Variants in PCLO observed in about 807,000 individuals in gnomAD.
PCLO encodes piccolo presynaptic cytomatrix protein, also known as protein piccolo.
PCLO carries 82 observed loss-of-function variants against 427.5 expected under a neutral mutation model. The ratio of observed to expected loss-of-function variants is 0.19; its 90% CI spans 0.16 to 0.23. PCLO has a LOEUF of 0.23. Ranked by LOEUF, PCLO falls within the 10% of genes least tolerant of loss-of-function variation. The pLI is 1.00. For missense variants in PCLO, 6,239 were observed against 6,115.9 expected (o/e 1.02, Z -0.67); for synonymous variants, 2,357 against 2,155.4 (o/e 1.09, Z -2.59).
chr7:82,966,786 G>A (rs1026365207), intron 3 of PCLO, among the ~76,000 whole-genome samples: 3 of 151,808 alleles, frequency 2.0e-5, no homozygotes, highest in African/African-American at 7.3e-5. Flanking sequence ...TCATTTTCAG[G>A]AAGAAAAAAA....
At chr7:83,038,723 A>G (rs1300062063) in intron 3 of PCLO, among the ~76,000 whole-genome samples, 1 of 151,928 alleles carries the variant, frequency 6.6e-6, no homozygotes, top group African/African-American at 2.4e-5. Context: ...ATGTTACTTT[A>G]TGTCTCTTCG....
intron 3 of PCLO, among the ~76,000 whole-genome samples, chr7:82,978,645 C>T (rs1704507925): frequency 6.6e-6 from 1 of 151,958 alleles, no homozygotes; most frequent in Admixed American, 6.6e-5. Flanking sequence ...CATACATATT[C>T]ATGTCTACAT....
intron 22 of PCLO, among the ~76,000 whole-genome samples, chr7:82,794,798 G>A (rs1791192005): frequency 6.6e-6 from 1 of 151,738 alleles, no homozygotes; most frequent in Non-Finnish European, 1.5e-5. Context: ...TTTTGACCTT[G>A]TTTGTTCTTG....
At chr7:82,938,163 A>C (rs940643004) in intron 6 of PCLO, among the ~76,000 whole-genome samples, 5 of 151,948 alleles carry the variant, frequency 3.3e-5, no homozygotes, top group Non-Finnish European at 5.9e-5. Context: ...GGAACAAAAC[A>C]TCAGTAAGAA....
intron 3 of PCLO, among the ~76,000 whole-genome samples, chr7:83,125,761 G>A (rs1003817760): frequency 6.6e-6 from 1 of 152,056 alleles, no homozygotes; most frequent in African/African-American, 2.4e-5. Context: ...AGGTCGCAGG[G>A]TCCTCTGCCT....
chr7:83,028,909 A>C (rs1257828238), intron 3 of PCLO, among the ~76,000 whole-genome samples: 1 of 152,064 alleles, frequency 6.6e-6, no homozygotes, highest in African/African-American at 2.4e-5. Context: ...AGCCATATGT[A>C]GAAAGCTGAA....
Position 82,950,808 on chromosome 7 carries a change from C to T in PCLO, c.9780G>A (p.Leu3260=). Residue 3260 remains leucine, a synonymous_variant, in exon 6 of 25, where the codon CTG becomes CTA. Transcript: ENST00000333891. ...AGAGAAGGTGTTGCTTCATAGACTGCAGCTCCTCCAACTTTTTCTGAACCA... is the reference window on the plus strand; with the variant it reads ...AGAGAAGGTGTTGCTTCATAGACTGTAGCTCCTCCAACTTTTTCTGAACCA... ...KIMVQKKLEE[L]QSMKQHLLFQ... is the part of the protein sequence containing the mutation. 1 of 1,613,702 alleles carries T rather than the reference C, an allele frequency of 6.2e-7. No individual in the cohort carries two copies.
chr7:83,087,390 A>G (rs536323287), intron 3 of PCLO, among the ~76,000 whole-genome samples: 1 of 152,136 alleles, frequency 6.6e-6, no homozygotes, highest in South Asian at 2.1e-4. Context: ...AAAATCTCAG[A>G]CTTCACCACC....
chr7:82,982,131 C>G (rs1796159769), intron 3 of PCLO, among the ~76,000 whole-genome samples: 1 of 152,048 alleles, frequency 6.6e-6, no homozygotes, highest in Non-Finnish European at 1.5e-5. Flanking sequence ...ATTCATTATT[C>G]CACATATTTT....
chr7:83,149,093 A>G (rs1382644179), intron 2 of PCLO, among the ~76,000 whole-genome samples: 1 of 152,164 alleles, frequency 6.6e-6, no homozygotes, highest in Admixed American at 6.5e-5. Flanking sequence ...GCCCTTCCTC[A>G]GGCAGGTCAC....
chr7:82,803,708 G>C (rs1300019803), intron 21 of PCLO, among the ~76,000 whole-genome samples: 3 of 152,094 alleles, frequency 2.0e-5, no homozygotes, highest in Non-Finnish European at 4.4e-5. Context: ...ATAATCGCTA[G>C]ATATTTATTA....
At chr7:82,914,134 T>C (rs1320376276) in intron 7 of PCLO, among the ~76,000 whole-genome samples, 1 of 151,920 alleles carries the variant, frequency 6.6e-6, no homozygotes, top group African/African-American at 2.4e-5. Flanking sequence ...AATAACAAAA[T>C]TCTACATTAT....
At chr7:83,011,615 A>T (rs1307910039) in intron 3 of PCLO, among the ~76,000 whole-genome samples, 1 of 147,278 alleles carries the variant, frequency 6.8e-6, no homozygotes, top group Non-Finnish European at 1.5e-5. Context: ...AAAAAAAAAA[A>T]CAAATCCTAA....
At chr7:83,100,754 C>T (rs902653995) in intron 3 of PCLO, among the ~76,000 whole-genome samples, 7 of 152,050 alleles carry the variant, frequency 4.6e-5, no homozygotes, top group African/African-American at 1.7e-4. Context: ...TAAACCCCCA[C>T]AACACCAGTT....
rs535423643 is a variant in PCLO at position 83,085,014 on chromosome 7, G to C, written c.3300+49236C>G. On this transcript the variant is annotated intron_variant, in intron 3 of 24. Transcript: ENST00000333891. ...TACATGTGAAACAAAATCATACCTAGAATAATTTGGCCTGAAAAGAGAAAA... is the reference window on the plus strand; with the variant it reads ...TACATGTGAAACAAAATCATACCTACAATAATTTGGCCTGAAAAGAGAAAA... Among the ~76,000 whole-genome samples the C allele has an allele frequency of 9.9e-5, 15 of 152,138 alleles. No homozygotes were observed. The South Asian group carries it at 3.1e-3, about 32-fold the overall frequency.
intron 22 of PCLO, among the ~76,000 whole-genome samples, chr7:82,776,835 T>TATAC (rs1554331165): frequency 1.2e-4 from 18 of 150,278 alleles, no homozygotes; most frequent in Non-Finnish European, 2.1e-4. Flanking sequence ...TCTCTATATA[T>TATAC]ACACACACAC....
rs371055617 is a variant in PCLO, at chr7:82,950,550, G to A, written c.10038C>T (p.Gly3346=). 302 of 1,613,732 alleles carry A rather than the reference G, an allele frequency of 1.9e-4. No individual in the cohort carries two copies. Among genetic ancestry groups the A allele is most frequent in the Non-Finnish European group, 2.4e-4 (279 of 1,179,852 alleles). Residue 3346 remains glycine (G), a synonymous_variant, in exon 6 of 25, where the codon GGC becomes GGT. Coordinates refer to ENST00000333891, the MANE Select transcript of PCLO (RefSeq NM_033026.6). ...CATCTTCAGTTGCCCAAAATTGACT[G>A]CCTTCCAGAGCAGCATACTGACCTT... ...ILEGQYAALE[G]SQFWATEDAT...
chr7:83,124,049 C>T (rs1341209991), intron 3 of PCLO, among the ~76,000 whole-genome samples: 1 of 150,370 alleles, frequency 6.7e-6, no homozygotes, highest in East Asian at 2.0e-4. Flanking sequence ...TGGCTCACAC[C>T]TGTAATCTCA....
rs751420011 is a variant in PCLO, at chr7:82,951,104, T to C, written c.9484A>G (p.Ser3162Gly). 6.2e-7 allele frequency: 1 copy of C among 1,613,740 alleles called. No individual in the cohort carries two copies. Among genetic ancestry groups the C allele is most frequent in the African/African-American group, 1.3e-5 (1 of 74,932 alleles). ...ATAGTAATAGTTTGCAAACTGGCAC[T>C]GATATCAATACCAGTTACTGCAATG... ...TDIAVTGIDI[S>G]ASLQTITMES... Residue 3162 changes from serine to glycine, a missense_variant, in exon 6 of 25, where the codon AGT becomes GGT. Physicochemically the swap from Ser to Gly is moderately conservative, Grantham distance 56. Coordinates refer to ENST00000333891, the MANE Select transcript of PCLO (RefSeq NM_033026.6).
Sources: allele counts gnomAD v4.1 joint callset (sites outside exome capture counted in the v4.1 genomes callset), GRCh38; gene constraint gnomAD v4.1.1; transcripts MANE v1.5; gene names NCBI Gene and HGNC (gene_info 2026-07-23, HGNC 2026-07-21).